DLEC1: variants seen among roughly 807,000 people sequenced by gnomAD.
DLEC1 encodes the protein DLEC1 cilia and flagella associated protein, also known as deleted in lung and esophageal cancer protein 1.
A neutral mutation model predicts 198.1 loss-of-function variants in DLEC1; 146 were observed. The ratio of observed to expected loss-of-function variants is 0.74; its 90% CI spans 0.64 to 0.85. The LOEUF (loss-of-function observed/expected upper bound fraction) is 0.85, where lower values mean the gene tolerates loss of function less well. Among genes scored for constraint, DLEC1 ranks in the 40% least tolerant of loss-of-function variants. The pLI, the probability that DLEC1 is intolerant of heterozygous loss-of-function variation, is 0.00. For missense variants in DLEC1, 2,233 were observed against 2,220.0 expected (o/e 1.01, Z -0.12); for synonymous variants, 897 against 866.8 (o/e 1.03, Z -0.61).
chr3:38,042,225 T>G (rs1700691171), intron 1 of DLEC1, among the ~76,000 whole-genome samples: 1 of 152,092 alleles, frequency 6.6e-6, no homozygotes, highest in Non-Finnish European at 1.5e-5. Context: ...ACTCCTGACC[T>G]CAAGTGATCT....
At chr3:38,041,708 C>T (rs1259544356) in intron 1 of DLEC1, among the ~76,000 whole-genome samples, 2 of 151,458 alleles carry the variant, frequency 1.3e-5, no homozygotes, top group Admixed American at 1.3e-4. Context: ...ATTAGCCGGG[C>T]GTGGTGGTGT....
chr3:38,117,776 TC>T, intron 32 of DLEC1, 29 bp from the exon 33 acceptor site: 1 of 1,613,260 alleles, frequency 6.2e-7, no homozygotes, highest in Non-Finnish European at 8.5e-7. Flanking sequence ...CAAGATGCAT[TC>T]CCTGCCTCCT....
Position 38,109,308 on chromosome 3 carries a change from G to A in DLEC1, c.3130-124G>A. On this transcript the variant is annotated intron_variant, in intron 21 of 36. Transcript: ENST00000308059. ...GTCGACTGGCTGGGCTCACTGGAGG[G>A]ACTGGAGATGAGCCTGGCCAGAGGT... The A allele has an allele frequency of 2.1e-6, 3 of 1,396,466 alleles. No homozygotes were observed. In the South Asian group the frequency reaches 4.0e-5, roughly 19 times the overall value. The allele number at this position is 1,396,466 out of a possible 1,614,324, so 86.5% of individuals were successfully genotyped here.
intron 2 of DLEC1, among the ~76,000 whole-genome samples, chr3:38,047,354 A>T (rs1438968476): frequency 6.6e-6 from 1 of 152,254 alleles, no homozygotes; most frequent in Non-Finnish European, 1.5e-5. Flanking sequence ...AGAATGAATT[A>T]TACCTGTGTT....
At chr3:38,092,655 G>A in intron 10 of DLEC1, 135 bp from the exon 11 acceptor site, 1 of 792,490 alleles carries the variant, frequency 1.3e-6, no homozygotes, top group East Asian at 2.5e-5. Flanking sequence ...TAGGAGTAAG[G>A]TGGGAGGTGG....
At chr3:38,116,202 G>A (rs1700149264) in intron 27 of DLEC1, among the ~76,000 whole-genome samples, 1 of 152,162 alleles carries the variant, frequency 6.6e-6, no homozygotes, top group South Asian at 2.1e-4. Context: ...TCAGGCATCT[G>A]GACATGGAGA....
rs73825479 is a variant in DLEC1 at position 38,045,181 on chromosome 3, C to T, written c.412-362C>T. ...AGACTGTGAAGGGGCTGTCTGCTGACGACGTTCCCTGTAGCTAGGGAGCAA... is the reference window on the plus strand; with the variant it reads ...AGACTGTGAAGGGGCTGTCTGCTGATGACGTTCCCTGTAGCTAGGGAGCAA... On this transcript the variant is annotated intron_variant, in intron 1 of 36. Coordinates refer to ENST00000308059, the MANE Select transcript of DLEC1 (RefSeq NM_007335.4). 5.5e-3 allele frequency among the ~76,000 whole-genome samples: 838 copies of T among 152,260 alleles called. 5 individuals carry two copies. Among genetic ancestry groups the T allele is most frequent in the African/African-American group, 0.019 (797 of 41,548 alleles).
At chr3:38,046,307 T>C (rs1000432964) in intron 2 of DLEC1, among the ~76,000 whole-genome samples, 4 of 152,130 alleles carry the variant, frequency 2.6e-5, no homozygotes, top group Non-Finnish European at 4.4e-5. Flanking sequence ...TCACCTTGAA[T>C]TGTAGCTCCC....
At chr3:38,059,910 C>A in intron 3 of DLEC1, 58 bp downstream of exon 3, 1 of 1,412,468 alleles carries the variant, frequency 7.1e-7, no homozygotes, top group Non-Finnish European at 9.8e-7. Flanking sequence ...TCAGTAGGGC[C>A]ACGTTGGCCA....
In DLEC1 at chr3:38,114,459, A is replaced by G; in HGVS notation, c.3784A>G (p.Arg1262Gly). 4 of 1,613,962 alleles carry G rather than the reference A, an allele frequency of 2.5e-6. No individual in the cohort carries two copies. Among genetic ancestry groups the G allele is most frequent in the Non-Finnish European group, 3.4e-6 (4 of 1,179,832 alleles). Residue 1262 changes from arginine (R) to glycine (G), a missense_variant and splice_region_variant, in exon 26 of 37, where the codon AGG becomes GGG. Arg to Gly is a moderately radical substitution (Grantham distance 125). Coordinates refer to ENST00000308059, the MANE Select transcript of DLEC1 (RefSeq NM_007335.4). ...CCAGGCCCAGAAGGAACCAGCCATG[A>G]GGTGCTCCATGCTCAGCCTGAGCCT... ...IDQAQKEPAM[R>G]FGTQVSGGDT...
chr3:38,059,684 G>T, intron 2 of DLEC1, 58 bp from the exon 3 acceptor site: 2 of 1,444,320 alleles, frequency 1.4e-6, no homozygotes, highest in Non-Finnish European at 1.9e-6. Context: ...TTTGGGTGTG[G>T]GTTCTTCAAA....
intron 26 of DLEC1, 49 bp downstream of exon 26, chr3:38,114,509 C>T: frequency 1.9e-6 from 3 of 1,580,932 alleles, no homozygotes; most frequent in Non-Finnish European, 2.6e-6. Context: ...CCCCTGAAAC[C>T]CTCCGGCCTC....
chr3:38,080,215 G>A lies in DLEC1; in HGVS notation c.1174-3943G>A, dbSNP rs558964721. The stretch of plus-strand genomic sequence containing the variant: ...GGGCAGGTGGGGGAGGGCTAGTCAC[G>A]GAACGAAACTGTAAGCCGGACCAGG... On this transcript the variant is annotated intron_variant, in intron 6 of 36. Transcript: ENST00000308059. 3.4e-4 allele frequency among the ~76,000 whole-genome samples: 52 copies of A among 152,238 alleles called. No homozygotes were observed. The East Asian group carries it at 9.1e-3, about 27-fold the overall frequency.
Position 38,097,497 on chromosome 3 carries a change from C to G in DLEC1, c.2435-10C>G, listed in dbSNP as rs1477924078. On this transcript the variant is annotated splice_polypyrimidine_tract_variant and intron_variant, in intron 16 of 36. Transcript: ENST00000308059. ...CTCCTCTCCACCTCTCCCTTTCCCT[C>G]TCTTCTCAGAGCCCAGTGAGGTCGG... 1 of 1,613,954 alleles carries G rather than the reference C, an allele frequency of 6.2e-7. No individual in the cohort carries two copies. Among genetic ancestry groups the G allele is most frequent in the Admixed American group, 1.7e-5 (1 of 60,018 alleles).
chr3:38,107,828 C>A, intron 20 of DLEC1, 91 bp downstream of exon 20: 1 of 1,444,376 alleles, frequency 6.9e-7, no homozygotes, highest in Non-Finnish European at 9.5e-7. Context: ...AATATCCTCA[C>A]AGAACAGAGA....
At chr3:38,099,489 G>A (rs1483187799) in intron 18 of DLEC1, among the ~76,000 whole-genome samples, 1 of 152,098 alleles carries the variant, frequency 6.6e-6, no homozygotes, top group Non-Finnish European at 1.5e-5. Context: ...AAATAATGTT[G>A]GGATTTGGGG....
intron 35 of DLEC1, 24 bp downstream of exon 35, chr3:38,121,805 C>A: frequency 1.2e-6 from 2 of 1,612,144 alleles, no homozygotes; most frequent in Non-Finnish European, 8.5e-7. Flanking sequence ...TGCCACCTAC[C>A]CACCGTTCCC....
Position 38,107,706 on chromosome 3 carries a change from C to T in DLEC1, c.2987C>T (p.Thr996Met), listed in dbSNP as rs769598423. 99 of 1,613,978 alleles carry T rather than the reference C, an allele frequency of 6.1e-5. No homozygotes were observed. The highest frequency in any genetic ancestry group is 3.3e-4 in the Middle Eastern group (2 of 6,070). Residue 996 changes from threonine (T) to methionine (M), a missense_variant, in exon 20 of 37, where the codon ACG (threonine) becomes ATG (methionine). By Grantham distance (81) the Thr-to-Met change is moderately conservative. Transcript: ENST00000308059. ...ACAACCATCACACTTATCAATGGCACGCTCCTGCCTACCCAGTTCCACTGG... is the reference window on the plus strand; with the variant it reads ...ACAACCATCACACTTATCAATGGCATGCTCCTGCCTACCCAGTTCCACTGG... ...TKTTITLING[T>M]LLPTQFHWGK...
intron 2 of DLEC1, among the ~76,000 whole-genome samples, chr3:38,056,198 G>A (rs978136178): frequency 9.9e-5 from 15 of 152,078 alleles, no homozygotes; most frequent in African/African-American, 3.6e-4. Context: ...GGGAGGTGGA[G>A]GTTGCAATAA....
Sources: allele counts gnomAD v4.1 joint callset (sites outside exome capture counted in the v4.1 genomes callset), GRCh38; gene constraint gnomAD v4.1.1; transcripts MANE v1.5; gene names NCBI Gene and HGNC (gene_info 2026-07-23, HGNC 2026-07-21).